MVB12B: variants seen among roughly 807,000 people sequenced by gnomAD.
MVB12B encodes the protein multivesicular body subunit 12B.
Under a neutral mutation model 41.6 loss-of-function variants are expected in MVB12B, and 16 were observed. The ratio of observed to expected loss-of-function variants is 0.38; its 90% CI spans 0.26 to 0.58. The LOEUF is 0.58. MVB12B is among the 20% of genes least tolerant of loss of function. The probability of loss-of-function intolerance (pLI) is 0.62; values close to 1 mark genes in which losing one functional copy is unlikely to be tolerated. For missense variants in MVB12B, 274 were observed against 380.2 expected, an observed-to-expected ratio of 0.72 and a Z score of 2.32; for synonymous variants, 133 against 139.7, an observed-to-expected ratio of 0.95 and a Z score of 0.34.
chr9:126,338,480 T>C (rs958985746), intron 1 of MVB12B, among the ~76,000 whole-genome samples: 2 of 152,026 alleles, frequency 1.3e-5, no homozygotes, highest in African/African-American at 4.8e-5. Flanking sequence ...GCAAATAAGA[T>C]ACTGCTTATT....
intron 7 of MVB12B, among the ~76,000 whole-genome samples, chr9:126,445,460 C>G (rs1832743885): frequency 6.6e-6 from 1 of 152,106 alleles, no homozygotes; most frequent in Non-Finnish European, 1.5e-5. Flanking sequence ...CCCACCGCCA[C>G]ACCTGGCTAA....
In MVB12B at chr9:126,503,663, A is replaced by C; in HGVS notation, c.*400A>C. On this transcript the variant is annotated 3_prime_UTR_variant, in exon 10 of 10. Coordinates refer to ENST00000361171, the MANE Select transcript of MVB12B (RefSeq NM_033446.3). ...GTCACCTACCAGGGCAGACCCCACT[A>C]AGCCGTTGAGTCTCTTCCTGGAAGA... The C allele has an allele frequency of 4.3e-6, 1 of 234,822 alleles. No individual in the cohort carries two copies. The highest frequency in any genetic ancestry group is 2.3e-5 in the African/African-American group (1 of 43,884). The allele number at this position is 234,822 out of a possible 1,614,324, so 14.5% of individuals were successfully genotyped here.
chr9:126,392,012 G>A lies in MVB12B; in HGVS notation c.410-54G>A. On this transcript the variant is annotated intron_variant, in intron 4 of 9. Transcript: ENST00000361171. The surrounding 1 kb of genome is among the most constrained non-coding windows in gnomAD (Gnocchi z 4.8). ...GACAGGGGATGTGGTTTTCAGAATA[G>A]AGATTCTGGTATCTCTGGAAAACTC... is the stretch of plus-strand genomic sequence containing the variant. 1.2e-6 allele frequency: 2 copies of A among 1,603,154 alleles called. No homozygotes were observed. The highest frequency in any genetic ancestry group is 1.7e-6 in the Non-Finnish European group (2 of 1,170,810).
chr9:126,476,406 T>A (rs1026999693), intron 7 of MVB12B, among the ~76,000 whole-genome samples: 7 of 152,130 alleles, frequency 4.6e-5, no homozygotes, highest in Non-Finnish European at 1.0e-4. Flanking sequence ...GGGAAGTGCC[T>A]CTGAGGGACT....
intron 3 of MVB12B, among the ~76,000 whole-genome samples, chr9:126,383,030 T>G (rs1485557462): frequency 3.9e-5 from 6 of 152,178 alleles, no homozygotes; most frequent in African/African-American, 7.2e-5. Context: ...TGCATATTGT[T>G]TTTGGAAAAA....
At chr9:126,431,854 G>A (rs999204528) in intron 7 of MVB12B, among the ~76,000 whole-genome samples, 8 of 152,128 alleles carry the variant, frequency 5.3e-5, no homozygotes, top group African/African-American at 1.9e-4. Context: ...ATCAGCAATT[G>A]CAGTAACAAT....
chr9:126,409,272 CTT>C (rs1467419767), intron 6 of MVB12B, among the ~76,000 whole-genome samples: 1 of 151,046 alleles, frequency 6.6e-6, no homozygotes, highest in Non-Finnish European at 1.5e-5. Flanking sequence ...TGCGTGTTCT[CTT>C]TGTCATCACT....
intron 6 of MVB12B, among the ~76,000 whole-genome samples, chr9:126,420,632 A>G (rs1410327053): frequency 4.7e-5 from 6 of 128,802 alleles, no homozygotes; most frequent in Admixed American, 9.4e-5. Context: ...GCTAGAGTGC[A>G]ATGTGCAATG....
At chr9:126,461,298 C>T (rs1017466684) in intron 7 of MVB12B, among the ~76,000 whole-genome samples, 3 of 152,160 alleles carry the variant, frequency 2.0e-5, no homozygotes, top group Admixed American at 1.3e-4. Flanking sequence ...CTTTGAATCA[C>T]GCTGCTGGAG....
intron 3 of MVB12B, among the ~76,000 whole-genome samples, chr9:126,383,105 G>T (rs1830681168): frequency 1.3e-5 from 2 of 152,096 alleles, no homozygotes; most frequent in South Asian, 4.1e-4. Context: ...GGGCCCACTT[G>T]CCAGCCCAGG....
intron 2 of MVB12B, among the ~76,000 whole-genome samples, chr9:126,377,364 C>T (rs1252814929): frequency 3.3e-5 from 5 of 152,258 alleles, no homozygotes; most frequent in Admixed American, 2.6e-4. Flanking sequence ...GCAGACATAT[C>T]GAGTTGTCTT....
intron 7 of MVB12B, among the ~76,000 whole-genome samples, chr9:126,445,658 G>C (rs1278922982): frequency 6.6e-6 from 1 of 152,024 alleles, no homozygotes; most frequent in African/African-American, 2.4e-5. Flanking sequence ...ATATTGTTGG[G>C]TCTTTTTTTT....
intron 9 of MVB12B, among the ~76,000 whole-genome samples, chr9:126,495,589 A>G (rs181113959): frequency 5.9e-5 from 9 of 152,106 alleles, no homozygotes; most frequent in African/African-American, 1.9e-4. Context: ...GGCAGTGGAC[A>G]CTCTTCCCAG....
intron 7 of MVB12B, among the ~76,000 whole-genome samples, chr9:126,467,125 C>G (rs1204490197): frequency 6.6e-6 from 1 of 152,138 alleles, no homozygotes; most frequent in Non-Finnish European, 1.5e-5. Context: ...AGAGCCACTG[C>G]GCCCAGCCGG....
At position 126,333,389 on chromosome 9, in the gene MVB12B, C is replaced by T. The variant is rs1449615785; in HGVS notation, c.81+6379C>T. ...CGTGAGCCACTGCGCCTGGCCATGA[C>T]CCTGGTTTTATTTATTTACTTATTT... is the stretch of plus-strand genomic sequence containing the variant. On this transcript the variant is annotated intron_variant, in intron 1 of 9. Coordinates refer to ENST00000361171, the MANE Select transcript of MVB12B (RefSeq NM_033446.3). The surrounding 1 kb of genome is among the most constrained non-coding windows in gnomAD (Gnocchi z 4.7). Among the ~76,000 whole-genome samples, 2 of 151,322 alleles carry T rather than the reference C, an allele frequency of 1.3e-5. No individual in the cohort carries two copies. Among genetic ancestry groups the T allele is most frequent in the Non-Finnish European group, 2.9e-5 (2 of 67,908 alleles).
intron 6 of MVB12B, among the ~76,000 whole-genome samples, chr9:126,408,723 G>A (rs192861914): frequency 4.6e-5 from 7 of 152,092 alleles, no homozygotes; most frequent in South Asian, 4.2e-4. Flanking sequence ...TGAGTCCTTC[G>A]GGGAGATTAT....
At chr9:126,496,160 G>A (rs1610019) in intron 9 of MVB12B, among the ~76,000 whole-genome samples, 37,311 of 147,448 alleles carry the variant, frequency 0.25, 5,995 homozygotes, top group African/African-American at 0.45. Flanking sequence ...AGCCTGATGT[G>A]TCTCTTCACT....
chr9:126,456,233 A>T (rs1832984199), intron 7 of MVB12B, among the ~76,000 whole-genome samples: 1 of 152,046 alleles, frequency 6.6e-6, no homozygotes, highest in Non-Finnish European at 1.5e-5. Flanking sequence ...CAGTAATTAG[A>T]CCTTAAATGT....
rs766169172 is a variant in MVB12B, at chr9:126,386,176, G to A, written c.313-386G>A. Among the ~76,000 whole-genome samples the A allele has an allele frequency of 3.3e-5, 5 of 152,124 alleles. No individual in the cohort carries two copies. Among genetic ancestry groups the A allele is most frequent in the Non-Finnish European group, 5.9e-5 (4 of 68,018 alleles). ...AGGTTTAGATGCAGCTCTTTCCTACGAGTGCCTCAGGAATTTGCTCTTCCT... is the reference window on the plus strand; with the variant it reads ...AGGTTTAGATGCAGCTCTTTCCTACAAGTGCCTCAGGAATTTGCTCTTCCT... On this transcript the variant is annotated intron_variant, in intron 3 of 9. Transcript: ENST00000361171. The surrounding 1 kb of genome is among the most constrained non-coding windows in gnomAD (Gnocchi z 4.3).
Sources: gnomAD v4.1 joint callset for allele counts (sites outside exome capture counted in the v4.1 genomes callset) on GRCh38, gnomAD v4.1.1 for gene constraint, Gnocchi (gnomAD v3.1) non-coding constraint, MANE v1.5 for transcripts, NCBI Gene and HGNC (gene_info 2026-07-23, HGNC 2026-07-21) for gene names.